The following PGM5 variants were observed in gnomAD, a reference collection of about 807,000 sequenced individuals.
The protein encoded by PGM5 is phosphoglucomutase 5.
A neutral mutation model predicts 59.2 loss-of-function variants in PGM5; 23 were observed. The ratio of observed to expected loss-of-function variants is 0.39; its 90% CI spans 0.28 to 0.55. The LOEUF (loss-of-function observed/expected upper bound fraction) is 0.55, where lower values mean the gene tolerates loss of function less well. PGM5 is among the 20% of genes least tolerant of loss of function. PGM5 has a pLI of 0.66. For synonymous variants in PGM5, 214 were observed against 286.0 expected, an observed-to-expected ratio of 0.75 and a Z score of 2.54; for missense variants, 574 against 748.3, an observed-to-expected ratio of 0.77 and a Z score of 2.72.
intron 3 of PGM5, among the ~76,000 whole-genome samples, chr9:68,385,792 G>T (rs1190743053): frequency 6.6e-6 from 1 of 152,028 alleles, no homozygotes; most frequent in African/African-American, 2.4e-5. Flanking sequence ...CTCTCATTCA[G>T]GCTCATTGCT....
In PGM5 at chr9:68,492,759, G is replaced by T. The variant is rs115671270; in HGVS notation, c.1480-6468G>T. 8.0e-3 allele frequency among the ~76,000 whole-genome samples: 1,215 copies of T among 152,256 alleles called. 10 individuals carry two copies. The highest frequency in any genetic ancestry group is 0.028 in the African/African-American group (1,169 of 41,542). On this transcript the variant is annotated intron_variant, in intron 9 of 10. Transcript: ENST00000396396. ...GACTCATGCTCACAGCTAACTCTAT[G>T]AATTATTAAACAAAGAAAAATGGGT...
chr9:68,375,461 A>G (rs1554677522), intron 1 of PGM5, among the ~76,000 whole-genome samples: 1 of 151,984 alleles, frequency 6.6e-6, no homozygotes, highest in Non-Finnish European at 1.5e-5. Flanking sequence ...CTAGTCCAAG[A>G]CTCTATCAAC....
intron 6 of PGM5, among the ~76,000 whole-genome samples, chr9:68,453,811 G>A (rs1340366638): frequency 6.6e-6 from 1 of 152,234 alleles, no homozygotes; most frequent in Non-Finnish European, 1.5e-5. Context: ...GAGACTAACG[G>A]ATTAGAGAAG....
At chr9:68,521,633 A>G (rs1824901222) in intron 10 of PGM5, among the ~76,000 whole-genome samples, 1 of 152,214 alleles carries the variant, frequency 6.6e-6, no homozygotes, top group Non-Finnish European at 1.5e-5. Flanking sequence ...AAATGTGAAG[A>G]CATGTGAGGG....
chr9:68,465,053 G>T lies in PGM5; in HGVS notation c.1044-40G>T, dbSNP rs377418747. ...GTGCTGAGAAAAAAAAACAGAAAAT[G>T]AAATATATGAATTGACTTTTCTCAA... On this transcript the variant is annotated intron_variant, in intron 6 of 10. Transcript: ENST00000396396. 5.9e-4 allele frequency: 762 copies of T among 1,282,938 alleles called. 2 individuals are homozygous for T. Among genetic ancestry groups the T allele is most frequent in the Non-Finnish European group, 8.2e-4 (725 of 886,120 alleles). The allele number at this position is 1,282,938 out of a possible 1,614,324, so 79.5% of individuals were successfully genotyped here. A position where few individuals can be genotyped will look rare whatever the true frequency, so the allele number is the denominator to read the frequency against.
intron 6 of PGM5, among the ~76,000 whole-genome samples, chr9:68,444,797 T>G (rs1554683912): frequency 6.6e-6 from 1 of 152,154 alleles, no homozygotes; most frequent in East Asian, 1.9e-4. Context: ...TTCTACATTT[T>G]AAACTAAACA....
chr9:68,506,263 G>GC, intron 10 of PGM5, among the ~76,000 whole-genome samples: 1 of 152,306 alleles, frequency 6.6e-6, no homozygotes, highest in Middle Eastern at 3.4e-3. Context: ...ATTACAGGCA[G>GC]CCACTTTTTC....
rs539682990 is a variant in PGM5, at chr9:68,474,269, A to G, written c.1160-5149A>G. Among the ~76,000 whole-genome samples, 5 of 152,240 alleles carry G rather than the reference A, an allele frequency of 3.3e-5. No homozygotes were observed. In the South Asian group the frequency reaches 1.0e-3, roughly 32 times the overall value. ...AACTTGGAGTTGGCAACAGGTGCAA[A>G]TTGACTTATAGTTTTCCTAATTGAC... is the stretch of plus-strand genomic sequence containing the variant. On this transcript the variant is annotated intron_variant, in intron 7 of 10. Transcript: ENST00000396396.
chr9:68,380,808 T>G (rs1252469801), intron 2 of PGM5, among the ~76,000 whole-genome samples: 1 of 151,792 alleles, frequency 6.6e-6, no homozygotes, highest in Non-Finnish European at 1.5e-5. Context: ...ATGAACAATT[T>G]TATGCCAACA....
intron 10 of PGM5, among the ~76,000 whole-genome samples, chr9:68,519,872 G>A (rs996968864): frequency 3.3e-5 from 5 of 150,058 alleles, no homozygotes; most frequent in Non-Finnish European, 5.9e-5. Flanking sequence ...ACCAGCCTGG[G>A]CAACATAAGG....
Position 68,411,482 on chromosome 9 carries a change from G to GTATA in PGM5, c.1043+19010_1043+19011insATAT, listed in dbSNP as rs1363314665. ...TTAAATATATAATGTGTGTGTGTGT[G>GTATA]TGTGTGTATATATATATATATGATT... On this transcript the variant is annotated intron_variant, in intron 6 of 10. Transcript: ENST00000396396. Among the ~76,000 whole-genome samples, 8 of 83,872 alleles carry GTATA rather than the reference G, an allele frequency of 9.5e-5. No homozygotes were observed. The South Asian group carries it at 2.2e-3, about 23-fold the overall frequency. 55.0% of individuals were successfully genotyped at this position (83,872 alleles called of 152,430 possible).
chr9:68,426,438 A>G (rs948926447), intron 6 of PGM5, among the ~76,000 whole-genome samples: 16 of 152,190 alleles, frequency 1.1e-4, no homozygotes, highest in African/African-American at 3.9e-4. Context: ...TTTCAATCAC[A>G]GGACCCTATA....
intron 7 of PGM5, 99 bp downstream of exon 7, chr9:68,465,307 A>G: frequency 2.6e-6 from 2 of 784,076 alleles, no homozygotes; most frequent in Non-Finnish European, 4.3e-6. Flanking sequence ...ACAGAGGAAC[A>G]GTTAAGTAGA....
chr9:68,426,355 AC>A (rs1564002536), intron 6 of PGM5, among the ~76,000 whole-genome samples: 1 of 152,014 alleles, frequency 6.6e-6, no homozygotes, highest in East Asian at 1.9e-4. Context: ...GACTCTTATA[AC>A]CTTCAGATTT....
At chr9:68,489,968 A>G (rs1824363129) in intron 9 of PGM5, among the ~76,000 whole-genome samples, 2 of 152,244 alleles carry the variant, frequency 1.3e-5, no homozygotes, top group Admixed American at 6.5e-5. Context: ...AACCTGGAAA[A>G]AAAGAACCGT....
intron 6 of PGM5, chr9:68,397,657 A>G (rs1225389296): frequency 6.6e-6 from 1 of 152,272 alleles, no homozygotes; most frequent in Non-Finnish European, 1.5e-5. Context: ...GCGGAAGACA[A>G]AGAATAACAA....
chr9:68,390,582 T>C (rs1400287539), intron 4 of PGM5, among the ~76,000 whole-genome samples: 1 of 152,048 alleles, frequency 6.6e-6, no homozygotes, highest in Non-Finnish European at 1.5e-5. Flanking sequence ...TATTGGAGGA[T>C]TGTGTGTTGT....
chr9:68,465,869 C>A (rs1469680283), intron 7 of PGM5, among the ~76,000 whole-genome samples: 1 of 152,058 alleles, frequency 6.6e-6, no homozygotes, highest in Non-Finnish European at 1.5e-5. Context: ...ATTTTTTAAT[C>A]TTTGATTGTC....
intron 1 of PGM5, among the ~76,000 whole-genome samples, chr9:68,369,703 T>C (rs1317881396): frequency 1.3e-5 from 2 of 152,172 alleles, no homozygotes; most frequent in Non-Finnish European, 2.9e-5. Context: ...TATTCAGATA[T>C]TAGGAATTGA....
Sources: allele counts gnomAD v4.1 joint callset (sites outside exome capture counted in the v4.1 genomes callset), GRCh38; gene constraint gnomAD v4.1.1; transcripts MANE v1.5; gene names NCBI Gene and HGNC (gene_info 2026-07-23, HGNC 2026-07-21).